Variants in PTPN4 observed in about 807,000 individuals in gnomAD.
The protein encoded by PTPN4 is tyrosine-protein phosphatase non-receptor type 4.
PTPN4 carries 49 observed loss-of-function variants against 135.5 expected under a neutral mutation model. That is an observed-to-expected ratio of 0.36 (90% CI 0.29 to 0.46). The LOEUF is 0.46. Among genes scored for constraint, PTPN4 ranks in the 20% least tolerant of loss-of-function variants. PTPN4 has a pLI of 1.00. For synonymous variants in PTPN4, 333 were observed against 369.9 expected, an observed-to-expected ratio of 0.90 and a Z score of 1.14; for missense variants, 860 against 1,101.0, an observed-to-expected ratio of 0.78 and a Z score of 3.10.
intron 1 of PTPN4, among the ~76,000 whole-genome samples, chr2:119,780,950 A>C (rs1234203462): frequency 6.6e-6 from 1 of 152,130 alleles, no homozygotes; most frequent in African/African-American, 2.4e-5. Flanking sequence ...ATTTATCATT[A>C]GATATTATTT....
At chr2:119,867,601 C>A in intron 3 of PTPN4, among the ~76,000 whole-genome samples, 1 of 151,828 alleles carries the variant, frequency 6.6e-6, no homozygotes, top group African/African-American at 2.4e-5. Flanking sequence ...TATTCTGTAC[C>A]CTTCCTGAAC....
rs1302692402 is a variant in PTPN4, at chr2:119,979,923, G to C, written c.*2853G>C. The C allele has an allele frequency of 1.3e-5, 2 of 152,038 alleles. No individual in the cohort carries two copies. Among genetic ancestry groups the C allele is most frequent in the Non-Finnish European group, 2.9e-5 (2 of 67,938 alleles). The allele number at this position is 152,038 out of a possible 1,614,324, so 9.4% of individuals were successfully genotyped here. A position where few individuals can be genotyped will look rare whatever the true frequency, so the allele number is the denominator to read the frequency against. On this transcript the variant is annotated 3_prime_UTR_variant, in exon 27 of 27. Transcript: ENST00000263708. The stretch of plus-strand genomic sequence containing the variant: ...GGATTGTTTTTTCCTGTTCATTTCA[G>C]GTGTTTTATTGAGCATCTGATTTGT...
At chr2:119,962,543 C>A (rs930473531) in intron 23 of PTPN4, 73 bp from the exon 24 acceptor site, 25 of 898,846 alleles carry the variant, frequency 2.8e-5, no homozygotes, top group Admixed American at 1.7e-4. Context: ...ATTAAAAAAA[C>A]ATTTTTAAAA....
At chr2:119,902,094 G>A (rs1180617296) in intron 10 of PTPN4, among the ~76,000 whole-genome samples, 4 of 152,184 alleles carry the variant, frequency 2.6e-5, no homozygotes, top group Non-Finnish European at 5.9e-5. Context: ...AGAATACCTA[G>A]CAGGTTAAAT....
At chr2:119,920,407 A>G (rs745357040) in intron 12 of PTPN4, among the ~76,000 whole-genome samples, 166 bp downstream of exon 12, 8 of 152,114 alleles carry the variant, frequency 5.3e-5, no homozygotes, top group Admixed American at 1.3e-4. Flanking sequence ...AAAGTTCTAT[A>G]GGTTCTTGTG....
intron 9 of PTPN4, among the ~76,000 whole-genome samples, chr2:119,896,311 T>TACTGTGA (rs1678322670): frequency 6.6e-6 from 1 of 152,214 alleles, no homozygotes; most frequent in Non-Finnish European, 1.5e-5. Flanking sequence ...GTAACTGAGA[T>TACTGTGA]CTCTCTTTTT....
At chr2:119,931,374 C>T (rs1332307445) in intron 13 of PTPN4, among the ~76,000 whole-genome samples, 1 of 150,192 alleles carries the variant, frequency 6.7e-6, no homozygotes, top group Non-Finnish European at 1.5e-5. Context: ...ATGATCTCTG[C>T]ATAGATCAGT....
intron 9 of PTPN4, among the ~76,000 whole-genome samples, chr2:119,895,313 A>G (rs1306662886): frequency 2.0e-5 from 3 of 152,230 alleles, no homozygotes; most frequent in South Asian, 4.1e-4. Flanking sequence ...TTAACATGTG[A>G]TAGTAGAGAG....
Position 119,928,283 on chromosome 2 carries a change from C to T in PTPN4, c.1070+1617C>T, listed in dbSNP as rs963821392. Among the ~76,000 whole-genome samples the T allele has an allele frequency of 2.0e-5, 3 of 151,996 alleles. No homozygotes were observed. In the East Asian group the frequency reaches 5.8e-4, roughly 29 times the overall value. ...TTTAGGATTCCTCCCTTTACTGAGC[C>T]ACGTCCCTGCCTCCAGAGTAGGAGT... On this transcript the variant is annotated intron_variant, in intron 13 of 26. Coordinates refer to ENST00000263708, the MANE Select transcript of PTPN4 (RefSeq NM_002830.4).
chr2:119,972,680 T>G (rs562103437), intron 26 of PTPN4, among the ~76,000 whole-genome samples: 2 of 152,148 alleles, frequency 1.3e-5, no homozygotes, highest in Admixed American at 1.3e-4. Flanking sequence ...AATTATCATA[T>G]TAGCCATGGA....
At chr2:119,976,886 G>A (rs2105069622) in intron 26 of PTPN4, 98 bp from the exon 27 acceptor site, 2 of 1,499,532 alleles carry the variant, frequency 1.3e-6, no homozygotes, top group Non-Finnish European at 1.8e-6. Context: ...CATTTTTTAA[G>A]TAAGCAAGCC....
Position 119,877,442 on chromosome 2 carries a change from G to T in PTPN4, c.290-22G>T, listed in dbSNP as rs775664109. 4 of 1,604,884 alleles carry T rather than the reference G, an allele frequency of 2.5e-6. No individual in the cohort carries two copies. In the South Asian group the frequency reaches 3.4e-5, roughly 14 times the overall value. ...AGGATTAATATAGTCTGATTAATTAGAACTACTTTTATTAATTCTAGGAGG... is the reference window on the plus strand; with the variant it reads ...AGGATTAATATAGTCTGATTAATTATAACTACTTTTATTAATTCTAGGAGG... On this transcript the variant is annotated intron_variant, in intron 4 of 26. Coordinates refer to ENST00000263708, the MANE Select transcript of PTPN4 (RefSeq NM_002830.4).
chr2:119,785,262 G>A (rs1222103736), intron 1 of PTPN4, among the ~76,000 whole-genome samples: 2 of 152,138 alleles, frequency 1.3e-5, no homozygotes, highest in African/African-American at 2.4e-5. Flanking sequence ...ATATTGATAT[G>A]GACCAGCCAC....
intron 2 of PTPN4, among the ~76,000 whole-genome samples, chr2:119,847,273 TATACAC>T (rs1677514855): frequency 1.2e-5 from 1 of 82,750 alleles, no homozygotes; most frequent in South Asian, 3.7e-4. Flanking sequence ...AGATACTCTA[TATACAC>T]ACACACACAC....
chr2:119,824,844 C>G (rs368506735), intron 2 of PTPN4, among the ~76,000 whole-genome samples: 1 of 152,024 alleles, frequency 6.6e-6, no homozygotes, highest in Admixed American at 6.6e-5. Flanking sequence ...CGTGCCACCA[C>G]GCCCAGCTAA....
chr2:119,814,940 TC>T (rs1676964371), intron 2 of PTPN4, among the ~76,000 whole-genome samples: 1 of 152,198 alleles, frequency 6.6e-6, no homozygotes, highest in African/African-American at 2.4e-5. Flanking sequence ...TATTTTGAAA[TC>T]CTTTTTTTCT....
intron 15 of PTPN4, among the ~76,000 whole-genome samples, chr2:119,936,383 C>T (rs1185913938): frequency 1.3e-5 from 2 of 152,150 alleles, no homozygotes; most frequent in African/African-American, 4.8e-5. Context: ...CCAGATCTCA[C>T]CTTGAATTGT....
At chr2:119,843,623 A>AC (rs1278152372) in intron 2 of PTPN4, among the ~76,000 whole-genome samples, 12 of 61,752 alleles carry the variant, frequency 1.9e-4, no homozygotes, top group Non-Finnish European at 3.1e-4. Context: ...AGGGGGGCTG[A>AC]CCCCCCCCAC....
intron 1 of PTPN4, among the ~76,000 whole-genome samples, chr2:119,802,275 C>T (rs1691392198): frequency 6.6e-6 from 1 of 152,196 alleles, no homozygotes; most frequent in African/African-American, 2.4e-5. Flanking sequence ...AGCAGATACC[C>T]TTCCTTGCCT....
Sources: allele counts gnomAD v4.1 joint callset (sites outside exome capture counted in the v4.1 genomes callset), GRCh38; gene constraint gnomAD v4.1.1; transcripts MANE v1.5; gene names NCBI Gene and HGNC (gene_info 2026-07-23, HGNC 2026-07-21).